The following NR3C2 variants were observed in gnomAD, a reference collection of about 807,000 sequenced individuals.
NR3C2 encodes the protein nuclear receptor subfamily 3 group C member 2.
NR3C2 carries 15 observed loss-of-function variants against 86.4 expected under a neutral mutation model. The ratio of observed to expected loss-of-function variants is 0.17; its 90% confidence interval spans 0.12 to 0.27. The LOEUF is 0.27. Ranked by LOEUF, NR3C2 falls within the 10% of genes least tolerant of loss-of-function variation. The pLI is 1.00. For synonymous variants in NR3C2, 458 were observed against 450.5 expected (o/e 1.02, Z -0.21); for missense variants, 960 against 1,195.6 (o/e 0.80, Z 2.91).
rs534577154 is a variant in NR3C2, at chr4:148,083,906, C to T, written c.2800-2407G>A. ...ATTATCAATAGCTGAACTGATCAAG[C>T]GGAAGAAAGAATATCAGAGATTTAA... is the stretch of plus-strand genomic sequence containing the variant. On this transcript the variant is annotated intron_variant, in intron 8 of 8. Transcript: ENST00000358102. Among the ~76,000 whole-genome samples the T allele has an allele frequency of 3.1e-3, 462 of 151,388 alleles. 4 individuals carry two copies. Among genetic ancestry groups the T allele is most frequent in the African/African-American group, 0.01 (426 of 41,218 alleles).
upstream of NR3C2, chr4:148,445,072 C>T (rs2126680359): frequency 1.1e-6 from 1 of 883,030 alleles, no homozygotes; most frequent in Non-Finnish European, 1.4e-6. Flanking sequence ...GGGTGGGAAA[C>T]GGGCAGGGGC....
intron 6 of NR3C2, among the ~76,000 whole-genome samples, chr4:148,151,811 C>T (rs904120397): frequency 2.6e-5 from 4 of 152,124 alleles, no homozygotes; most frequent in African/African-American, 9.7e-5. Flanking sequence ...CAAAGAAGCA[C>T]TGCTAGATAC....
At chr4:148,171,979 C>T (rs1735148451) in intron 4 of NR3C2, among the ~76,000 whole-genome samples, 2 of 152,034 alleles carry the variant, frequency 1.3e-5, no homozygotes, top group Admixed American at 6.6e-5. Flanking sequence ...CTATGGAATC[C>T]AATAATAATT....
At chr4:148,332,878 G>A (rs1042762743) in intron 2 of NR3C2, among the ~76,000 whole-genome samples, 8 of 152,048 alleles carry the variant, frequency 5.3e-5, no homozygotes, top group Admixed American at 1.3e-4. Flanking sequence ...TATGTGTTTC[G>A]ACATAAGGCT....
chr4:148,204,070 G>C (rs140921321), intron 3 of NR3C2, among the ~76,000 whole-genome samples: 3 of 151,932 alleles, frequency 2.0e-5, no homozygotes, highest in African/African-American at 7.3e-5. Flanking sequence ...CATTCTTCTT[G>C]TTGTGAAAGG....
chr4:148,117,143 G>T (rs1388278800), intron 7 of NR3C2, among the ~76,000 whole-genome samples: 1 of 152,214 alleles, frequency 6.6e-6, no homozygotes, highest in East Asian at 1.9e-4. Context: ...AGCAGCGGGA[G>T]ATGGGGCTGG....
chr4:148,255,588 G>A (rs1191070837), intron 3 of NR3C2, among the ~76,000 whole-genome samples: 2 of 152,156 alleles, frequency 1.3e-5, no homozygotes, highest in Non-Finnish European at 2.9e-5. Flanking sequence ...AAATCCAGTT[G>A]ACTTTACATA....
intron 4 of NR3C2, among the ~76,000 whole-genome samples, chr4:148,185,181 A>C (rs1366265330): frequency 2.0e-5 from 3 of 152,238 alleles, no homozygotes; most frequent in Non-Finnish European, 4.4e-5. Context: ...TGATCAATGC[A>C]ATGTGAGGAA....
upstream of NR3C2, chr4:148,444,683 C>T: frequency 2.0e-6 from 2 of 985,446 alleles, no homozygotes; most frequent in Non-Finnish European, 2.4e-6. Flanking sequence ...GCCCTGCTGA[C>T]GGTGGGTAGA....
Position 148,386,886 on chromosome 4 carries a change from G to A in NR3C2, c.1757+48218C>T, listed in dbSNP as rs562767989. ...ATGCCCTCTTCCTGGACTTCATCTC[G>A]GCCTCTCTACTCCGCAGTCTCTGGC... On this transcript the variant is annotated intron_variant, in intron 2 of 8. Coordinates refer to ENST00000358102, the MANE Select transcript of NR3C2 (RefSeq NM_000901.5). Among the ~76,000 whole-genome samples the A allele has an allele frequency of 1.2e-3, 178 of 152,088 alleles. 1 individual carries two copies. The highest frequency in any genetic ancestry group is 1.9e-3 in the Admixed American group (29 of 15,280).
intron 2 of NR3C2, among the ~76,000 whole-genome samples, chr4:148,310,440 T>C (rs1742850227): frequency 6.6e-6 from 1 of 152,226 alleles, no homozygotes; most frequent in African/African-American, 2.4e-5. Flanking sequence ...TACATTTCCC[T>C]AGTCTATTTG....
chr4:148,171,777 G>A (rs1179097021), intron 4 of NR3C2, among the ~76,000 whole-genome samples: 2 of 152,076 alleles, frequency 1.3e-5, no homozygotes, highest in Admixed American at 6.5e-5. Flanking sequence ...CCCAGAGGTG[G>A]AGCTACACCA....
intron 8 of NR3C2, among the ~76,000 whole-genome samples, chr4:148,104,508 G>A (rs892726329): frequency 1.3e-5 from 2 of 152,070 alleles, no homozygotes; most frequent in African/African-American, 2.4e-5. Flanking sequence ...GCATAACACC[G>A]CTAACAATTA....
At chr4:148,152,664 T>TTCCAGGATGTACTTAA (rs1416681741) in intron 5 of NR3C2, 51 bp from the exon 6 acceptor site, 1 of 1,586,242 alleles carries the variant, frequency 6.3e-7, no homozygotes, top group Non-Finnish European at 8.7e-7. Flanking sequence ...TTTAAGTACA[T>TTCCAGGATGTACTTAA]TCCAGGAAGA....
At chr4:148,442,725 A>G, upstream of NR3C2, 1 of 985,326 alleles carries the variant, frequency 1.0e-6, no homozygotes, top group Non-Finnish European at 1.2e-6. Flanking sequence ...AGCTTCCTTA[A>G]AGCCGCAGCC....
chr4:148,445,061 C>T (rs929427999), upstream of NR3C2: 17 of 947,698 alleles, frequency 1.8e-5, no homozygotes, highest in Admixed American at 4.9e-4. Flanking sequence ...CGGCCACCCG[C>T]GGGTGGGAAA....
chr4:148,376,361 T>C (rs1201714391), intron 2 of NR3C2, among the ~76,000 whole-genome samples: 1 of 152,222 alleles, frequency 6.6e-6, no homozygotes, highest in Non-Finnish European at 1.5e-5. Flanking sequence ...AGCTATCTAG[T>C]GTTTTGCCCA....
At chr4:148,325,197 C>T (rs1743901488) in intron 2 of NR3C2, among the ~76,000 whole-genome samples, 1 of 151,856 alleles carries the variant, frequency 6.6e-6, no homozygotes, top group Non-Finnish European at 1.5e-5. Context: ...AATAATCACA[C>T]ATTTTCATCA....
intron 2 of NR3C2, among the ~76,000 whole-genome samples, chr4:148,371,771 A>G (rs1746434013): frequency 6.6e-6 from 1 of 152,142 alleles, no homozygotes; most frequent in Admixed American, 6.5e-5. Context: ...TGTGATAGAG[A>G]TTTTACTGGA....
Sources: allele counts gnomAD v4.1 joint callset (sites outside exome capture counted in the v4.1 genomes callset), GRCh38; gene constraint gnomAD v4.1.1; transcripts MANE v1.5; gene names NCBI Gene and HGNC (gene_info 2026-07-23, HGNC 2026-07-21).